SCAND3: variants seen among roughly 807,000 people sequenced by gnomAD.
SCAND3 encodes SCAN domain containing 3.
chr6:28,581,103 G>A, the SCAND3 span, among the ~76,000 whole-genome samples: 2 of 152,030 alleles, frequency 1.3e-5, no homozygotes, highest in African/African-American at 2.4e-5. Context: ...TTGGGAGGCC[G>A]AGGTGGGAGG....
At chr6:28,595,349 A>G in the SCAND3 span, among the ~76,000 whole-genome samples, 1 of 148,696 alleles carries the variant, frequency 6.7e-6, no homozygotes, top group South Asian at 2.1e-4. Flanking sequence ...AAAAAAAAAA[A>G]AAAAAAGAAG....
the SCAND3 span, among the ~76,000 whole-genome samples, chr6:28,601,197 G>C: frequency 6.6e-6 from 1 of 152,006 alleles, no homozygotes; most frequent in Admixed American, 6.6e-5. Flanking sequence ...GAGCCACGGC[G>C]CCCGGCCACA....
the SCAND3 span, among the ~76,000 whole-genome samples, chr6:28,608,544 T>G: frequency 9.7e-4 from 148 of 152,258 alleles, no homozygotes; most frequent in Admixed American, 2.4e-3. Flanking sequence ...TGTTAATCAA[T>G]CCAAATCAAA....
At chr6:28,583,286 G>A in the SCAND3 span, among the ~76,000 whole-genome samples, 5 of 152,252 alleles carry the variant, frequency 3.3e-5, 1 homozygote, top group South Asian at 8.3e-4. Context: ...GGGAGGCTGA[G>A]GCAGGAGAAT....
At chr6:28,587,090 A>G in the SCAND3 span, 1 of 202,290 alleles carries the variant, frequency 4.9e-6, no homozygotes, top group Non-Finnish European at 1.0e-5. Context: ...AAGGAAACGA[A>G]GATCGGAGCA....
the SCAND3 span, among the ~76,000 whole-genome samples, chr6:28,592,100 A>G: frequency 3.9e-5 from 6 of 152,236 alleles, no homozygotes; most frequent in African/African-American, 1.4e-4. This position sits in a 1 kb window ranked among gnomAD's most constrained non-coding sequence, Gnocchi z 4.1. Context: ...ATAGAGCCAG[A>G]GCAATTAGAT....
the SCAND3 span, chr6:28,571,689 G>A: frequency 3.6e-5 from 15 of 422,072 alleles, no homozygotes; most frequent in South Asian, 8.1e-5. Flanking sequence ...TAATAAATAC[G>A]ACAAATATGA....
chr6:28,592,687 T>C, the SCAND3 span, among the ~76,000 whole-genome samples: 2 of 152,148 alleles, frequency 1.3e-5, no homozygotes, highest in Admixed American at 1.3e-4. The surrounding 1 kb of genome is among the most constrained non-coding windows in gnomAD (Gnocchi z 4.1). Context: ...TATAAAGTGA[T>C]TGTAATAAGG....
At chr6:28,583,716 C>G in the SCAND3 span, among the ~76,000 whole-genome samples, 1 of 152,208 alleles carries the variant, frequency 6.6e-6, no homozygotes, top group South Asian at 2.1e-4. Flanking sequence ...TCTACTCCAA[C>G]TGCTTCTCTA....
At chr6:28,574,823 C>T in the SCAND3 span, 2 of 1,614,120 alleles carry the variant, frequency 1.2e-6, no homozygotes, top group Non-Finnish European at 1.7e-6. Context: ...GAGGGCACTC[C>T]ACAAATTGCA....
the SCAND3 span, chr6:28,575,041 T>G: frequency 6.2e-7 from 1 of 1,614,160 alleles, no homozygotes; most frequent in South Asian, 1.1e-5. This position sits in a 1 kb window ranked among gnomAD's most constrained non-coding sequence, Gnocchi z 4.2. Flanking sequence ...TTCTAACTCT[T>G]TGTCAGCCTG....
the SCAND3 span, chr6:28,575,731 C>T: frequency 2.5e-5 from 41 of 1,613,924 alleles, no homozygotes; most frequent in African/African-American, 5.3e-5. The surrounding 1 kb of genome is among the most constrained non-coding windows in gnomAD (Gnocchi z 4.2). Flanking sequence ...TTTCTCCATG[C>T]GAGTACGTCC....
At chr6:28,576,045 T>C in the SCAND3 span, 1 of 1,613,830 alleles carries the variant, frequency 6.2e-7, no homozygotes, top group Non-Finnish European at 8.5e-7. Flanking sequence ...CTCTCATGTT[T>C]TCTGGTTCAA....
the SCAND3 span, among the ~76,000 whole-genome samples, chr6:28,578,207 T>C: frequency 4.6e-5 from 7 of 152,352 alleles, no homozygotes; most frequent in East Asian, 7.7e-4. Flanking sequence ...TAATGATATG[T>C]TACTGTGTGG....
At chr6:28,599,314 C>T in the SCAND3 span, among the ~76,000 whole-genome samples, 1 of 152,126 alleles carries the variant, frequency 6.6e-6, no homozygotes, top group African/African-American at 2.4e-5. Context: ...CAAACGAACT[C>T]GAAATTTATA....
the SCAND3 span, chr6:28,574,661 C>G: frequency 1.9e-6 from 3 of 1,613,308 alleles, no homozygotes. Context: ...CCTACTTTGT[C>G]TGGTGAAAAT....
chr6:28,575,109 G>T, the SCAND3 span: 12 of 1,614,116 alleles, frequency 7.4e-6, no homozygotes, highest in African/African-American at 9.3e-5. This position sits in a 1 kb window ranked among gnomAD's most constrained non-coding sequence, Gnocchi z 4.2. Flanking sequence ...GCTGAGAATG[G>T]GACAAGCCCA....
chr6:28,576,893 A>AGCC, the SCAND3 span, among the ~76,000 whole-genome samples: 1 of 141,838 alleles, frequency 7.1e-6, no homozygotes, highest in East Asian at 2.1e-4. Flanking sequence ...TACAGGCGTG[A>AGCC]GCCACCACAC....
the SCAND3 span, among the ~76,000 whole-genome samples, chr6:28,596,553 T>C: frequency 2.7e-4 from 41 of 152,242 alleles, no homozygotes; most frequent in African/African-American, 7.9e-4. Flanking sequence ...TATATAGCTT[T>C]ATAATTTTGG....
Sources: gnomAD v4.1 joint callset for allele counts (sites outside exome capture counted in the v4.1 genomes callset) on GRCh38, gnomAD v4.1.1 for gene constraint, Gnocchi (gnomAD v3.1) non-coding constraint, MANE v1.5 for transcripts, NCBI Gene and HGNC (gene_info 2026-07-23, HGNC 2026-07-21) for gene names.